The following DCDC2 variants were observed in gnomAD, a reference collection of about 807,000 sequenced individuals.
DCDC2 encodes doublecortin domain containing 2, also known as doublecortin domain-containing protein 2.
In DCDC2, 40 loss-of-function variants were observed where a neutral mutation model predicts 50.2. The ratio of observed to expected loss-of-function variants is 0.80; its 90% confidence interval spans 0.62 to 1.04. The LOEUF (loss-of-function observed/expected upper bound fraction) is 1.04. DCDC2 is among the 50% of genes least tolerant of loss of function. DCDC2 has a pLI of 0.00. For synonymous variants in DCDC2, 234 were observed against 210.6 expected (o/e 1.11, Z -0.96); for missense variants, 570 against 581.9 (o/e 0.98, Z 0.21).
chr6:24,359,744 G>T (rs1282755795), upstream of DCDC2, among the ~76,000 whole-genome samples: 4 of 150,766 alleles, frequency 2.7e-5, no homozygotes, highest in Non-Finnish European at 5.9e-5. Flanking sequence ...AGGAGGGAGG[G>T]AAGGAAGGAA....
At chr6:24,275,775 T>C (rs1260141316) in intron 7 of DCDC2, among the ~76,000 whole-genome samples, 3 of 151,346 alleles carry the variant, frequency 2.0e-5, no homozygotes, top group Non-Finnish European at 4.4e-5. Context: ...GCTTCAATAA[T>C]AAACACTTTT....
At chr6:24,273,313 A>C (rs1160628370) in intron 7 of DCDC2, among the ~76,000 whole-genome samples, 3 of 152,180 alleles carry the variant, frequency 2.0e-5, no homozygotes, top group Non-Finnish European at 4.4e-5. Context: ...GGTATGAGAA[A>C]TTACATCATG....
the DCDC2 span, among the ~76,000 whole-genome samples, chr6:24,367,330 T>C: frequency 2.0e-4 from 31 of 152,222 alleles, no homozygotes; most frequent in African/African-American, 7.0e-4. Context: ...ACACAAGAGA[T>C]AGGCCTAGGG....
chr6:24,295,078 A>C, intron 4 of DCDC2, among the ~76,000 whole-genome samples: 1 of 152,174 alleles, frequency 6.6e-6, no homozygotes, highest in East Asian at 1.9e-4. Context: ...CCTCAACAAA[A>C]TACTTGCAAA....
intron 8 of DCDC2, among the ~76,000 whole-genome samples, chr6:24,185,277 G>A (rs1030407096): frequency 1.3e-5 from 2 of 152,104 alleles, no homozygotes; most frequent in African/African-American, 2.4e-5. Context: ...CTAACAAGCA[G>A]TATTATGCTT....
intron 4 of DCDC2, among the ~76,000 whole-genome samples, chr6:24,292,100 G>A (rs972405159): frequency 3.3e-5 from 5 of 151,820 alleles, no homozygotes; most frequent in African/African-American, 7.3e-5. Flanking sequence ...CTGCTGCTAC[G>A]AGCTACAATT....
chr6:24,278,817 A>G (rs893496573), intron 6 of DCDC2, among the ~76,000 whole-genome samples: 10 of 152,066 alleles, frequency 6.6e-5, no homozygotes, highest in Non-Finnish European at 2.9e-5. Flanking sequence ...GCAGCCATAC[A>G]CTCTGCTTGT....
At chr6:24,264,268 T>A (rs1763070497) in intron 7 of DCDC2, among the ~76,000 whole-genome samples, 1 of 152,162 alleles carries the variant, frequency 6.6e-6, no homozygotes, top group African/African-American at 2.4e-5. Flanking sequence ...AGGACATTAA[T>A]AAGCATTAAG....
chr6:24,278,389 G>A (rs943036527), intron 6 of DCDC2, among the ~76,000 whole-genome samples, 178 bp from the exon 7 acceptor site: 2 of 152,172 alleles, frequency 1.3e-5, no homozygotes, highest in Non-Finnish European at 2.9e-5. Flanking sequence ...GGAGGCAAAA[G>A]GGTCTAGGAG....
chr6:24,283,326 G>A (rs1218116398), intron 6 of DCDC2, among the ~76,000 whole-genome samples: 1 of 149,998 alleles, frequency 6.7e-6, no homozygotes, highest in African/African-American at 2.4e-5. Context: ...GGCTATAAAA[G>A]GAATGACTTC....
chr6:24,302,044 C>A lies in DCDC2; in HGVS notation c.349G>T (p.Val117Leu). The A allele has an allele frequency of 6.2e-7, 1 of 1,604,766 alleles. No homozygotes were observed. ...ATCCTGCTATGGATTACTGGTTTTA[C>A]CTTTAAAAGCAAAGGAAAAAAAATA... ...KRPMEVVNTE[V>L]KPVIHSRINV... Residue 117 changes from valine (V) to leucine (L), a missense_variant and splice_region_variant, in exon 3 of 10, where the codon GTA (valine) becomes TTA (leucine). By Grantham distance (32) the Val-to-Leu change is conservative. Transcript: ENST00000378454.
intron 8 of DCDC2, among the ~76,000 whole-genome samples, chr6:24,199,847 A>T (rs1257522902): frequency 6.6e-6 from 1 of 152,222 alleles, no homozygotes; most frequent in Non-Finnish European, 1.5e-5. Flanking sequence ...AAAACACAGC[A>T]AAAGAACTTC....
the DCDC2 span, among the ~76,000 whole-genome samples, chr6:24,381,648 G>A: frequency 6.6e-6 from 1 of 152,026 alleles, no homozygotes; most frequent in African/African-American, 2.4e-5. Flanking sequence ...TCTTTACACA[G>A]AAAATATATT....
At chr6:24,237,103 C>T (rs1489283164) in intron 7 of DCDC2, among the ~76,000 whole-genome samples, 6 of 151,944 alleles carry the variant, frequency 3.9e-5, no homozygotes, top group African/African-American at 1.2e-4. Context: ...AAATGCCCAT[C>T]ATCACTAATC....
chr6:24,173,178 C>T lies in DCDC2; in HGVS notation c.*1552G>A, dbSNP rs1760823478. The T allele has an allele frequency of 6.6e-6, 1 of 151,942 alleles. No individual in the cohort carries two copies. The highest frequency in any genetic ancestry group is 6.6e-5 in the Admixed American group (1 of 15,262). 9.4% of individuals were successfully genotyped at this position (151,942 alleles called of 1,614,324 possible). A position where few individuals can be genotyped will look rare whatever the true frequency, so the allele number is the denominator to read the frequency against. On this transcript the variant is annotated 3_prime_UTR_variant, in exon 10 of 10. Coordinates refer to ENST00000378454, the MANE Select transcript of DCDC2 (RefSeq NM_016356.5). The stretch of plus-strand genomic sequence containing the variant: ...CTGTTTCTAATTCATGCTCCCAGAT[C>T]ACTATATCCTTGTGTCATTATCTCT...
chr6:24,210,997 C>T (rs892083777), intron 7 of DCDC2, among the ~76,000 whole-genome samples: 1 of 152,224 alleles, frequency 6.6e-6, no homozygotes, highest in African/African-American at 2.4e-5. Context: ...ACACCGTCAG[C>T]CAGATCTCAG....
At chr6:24,346,345 T>A (rs6933291) in intron 2 of DCDC2, among the ~76,000 whole-genome samples, 10 of 152,262 alleles carry the variant, frequency 6.6e-5, no homozygotes, top group Admixed American at 2.6e-4. Context: ...GGAGCCTGAA[T>A]TGGCATATAA....
intron 7 of DCDC2, among the ~76,000 whole-genome samples, chr6:24,265,004 A>G (rs1763088948): frequency 6.6e-6 from 1 of 152,250 alleles, no homozygotes; most frequent in South Asian, 2.1e-4. Flanking sequence ...ATTCAAGACA[A>G]AAACTCTAAA....
chr6:24,190,674 T>C (rs1554143456), intron 8 of DCDC2, among the ~76,000 whole-genome samples: 1 of 152,198 alleles, frequency 6.6e-6, no homozygotes, highest in Non-Finnish European at 1.5e-5. Flanking sequence ...AATACAAGTC[T>C]ACAAACGTGA....
Sources: allele counts gnomAD v4.1 joint callset (sites outside exome capture counted in the v4.1 genomes callset), GRCh38; gene constraint gnomAD v4.1.1; transcripts MANE v1.5; gene names NCBI Gene and HGNC (gene_info 2026-07-23, HGNC 2026-07-21).